The following AGBL5 variants were observed in gnomAD, a reference collection of about 807,000 sequenced individuals.
AGBL5 encodes cytosolic carboxypeptidase-like protein 5.
A neutral mutation model predicts 88.0 loss-of-function variants in AGBL5; 51 were observed. The observed-to-expected ratio is 0.58, with a 90% CI of 0.46 to 0.73. The LOEUF (loss-of-function observed/expected upper bound fraction) is 0.73. Among genes scored for constraint, AGBL5 ranks in the 30% least tolerant of loss-of-function variants. AGBL5 has a pLI of 0.00. For missense variants in AGBL5, 1,031 were observed against 1,162.2 expected (o/e 0.89, Z 1.64); for synonymous variants, 446 against 438.8 (o/e 1.02, Z -0.21).
Position 27,069,678 on chromosome 2 carries a change from G to C in AGBL5, c.2461G>C (p.Glu821Gln), listed in dbSNP as rs769145379. ...TPRTRESSEL[E>Q]LGSCSATPGL... ...CCGGACCAGGGAGAGCAGTGAGCTG[G>C]AGCTGGGATCCTGCTCTGCTACACC... The change falls in exon 14 of 15, where the codon GAG becomes CAG. Residue 821 changes from glutamate to glutamine, a missense_variant. By Grantham distance (29) the Glu-to-Gln change is conservative. Coordinates refer to ENST00000360131, the MANE Select transcript of AGBL5 (RefSeq NM_021831.6). The C allele has an allele frequency of 1.9e-6, 3 of 1,614,164 alleles. No individual in the cohort carries two copies. In the East Asian group the frequency reaches 6.7e-5, roughly 36 times the overall value.
At chr2:27,068,123 T>C (rs1238885956) in intron 12 of AGBL5, among the ~76,000 whole-genome samples, 1 of 152,178 alleles carries the variant, frequency 6.6e-6, no homozygotes, top group Admixed American at 6.5e-5. Flanking sequence ...TGGGAATGAT[T>C]TTAAGACTCT....
At chr2:27,055,400 G>A in intron 6 of AGBL5, 147 bp downstream of exon 6, 10 of 1,164,590 alleles carry the variant, frequency 8.6e-6, no homozygotes, top group Admixed American at 2.5e-5. Context: ...TCCTGAGAAA[G>A]CATGAGATCA....
At position 27,058,580 on chromosome 2, in the gene AGBL5, C is replaced by A. The variant is rs752191492; in HGVS notation, c.1852C>A (p.Arg618=). The A allele has an allele frequency of 1.6e-5, 26 of 1,613,962 alleles. No individual in the cohort carries two copies. Among genetic ancestry groups the A allele is most frequent in the Non-Finnish European group, 2.2e-5 (26 of 1,180,042 alleles). Residue 618 remains arginine (R), a synonymous_variant, in exon 10 of 15, where the codon CGA becomes AGA. Coordinates refer to ENST00000360131, the MANE Select transcript of AGBL5 (RefSeq NM_021831.6). ...NVGVNKKRGL[R]TPPKSHNGLP... ...GGGTGTCAACAAGAAGAGGGGCCTT[C>A]GAACTCCACCCAAAAGTCACAAGTA... is the stretch of plus-strand genomic sequence containing the variant.
rs1426311632 is a variant in AGBL5, at chr2:27,056,024, T to G, written c.1251T>G (p.Pro417=). 2.1e-5 allele frequency: 34 copies of G among 1,614,088 alleles called. No homozygotes were observed. Among genetic ancestry groups the G allele is most frequent in the Non-Finnish European group, 2.9e-5 (34 of 1,180,026 alleles). ...CTGCGGGGCTTGAAGAGTCAGCCCC[T>G]GATACCATCCCCCCCAAAGAGAGTG... ...QQSAGLEESA[P]DTIPPKESGV... is the part of the protein sequence containing the mutation. Residue 417 remains proline (P), a synonymous_variant, in exon 7 of 15, where the codon CCT becomes CCG. Transcript: ENST00000360131.
At chr2:27,055,392 C>A in intron 6 of AGBL5, 139 bp downstream of exon 6, 1 of 1,210,142 alleles carries the variant, frequency 8.3e-7, no homozygotes, top group Non-Finnish European at 1.2e-6. Context: ...TCTCATCTTC[C>A]TGAGAAAGCA....
Position 27,051,705 on chromosome 2 carries a change from T to G in AGBL5, c.-135T>G, listed in dbSNP as rs1391712505. 3.3e-5 allele frequency: 5 copies of G among 152,188 alleles called. No homozygotes were observed. Among genetic ancestry groups the G allele is most frequent in the South Asian group, 4.1e-4 (2 of 4,828 alleles). 9.4% of individuals were successfully genotyped at this position (152,188 alleles called of 1,614,324 possible). On this transcript the variant is annotated 5_prime_UTR_variant, in exon 1 of 15. Coordinates refer to ENST00000360131, the MANE Select transcript of AGBL5 (RefSeq NM_021831.6). ...CGGCACCGCGGCGCTCGGGTGTTTT[T>G]GGGGGCCCGGGTGGAGGGCCCGGGT...
At chr2:27,051,228 A>C (rs989558512), upstream of AGBL5, among the ~76,000 whole-genome samples, 3 of 152,162 alleles carry the variant, frequency 2.0e-5, no homozygotes, top group Non-Finnish European at 2.9e-5. Flanking sequence ...GATTAGCTCA[A>C]ATGGTAGAGC....
Position 27,057,813 on chromosome 2 carries a change from T to G in AGBL5, c.1671+375T>G, listed in dbSNP as rs138708743. Among the ~76,000 whole-genome samples, 504 of 152,308 alleles carry G rather than the reference T, an allele frequency of 3.3e-3. 1 individual carries two copies. Among genetic ancestry groups the G allele is most frequent in the African/African-American group, 0.012 (484 of 41,568 alleles). On this transcript the variant is annotated intron_variant, in intron 9 of 14. Coordinates refer to ENST00000360131, the MANE Select transcript of AGBL5 (RefSeq NM_021831.6). ...AGAGCTGGCCAGGTGCGGTGGCTCATGCCTATAATCCCAGCACTTTGGGAG... is the reference window on the plus strand; with the variant it reads ...AGAGCTGGCCAGGTGCGGTGGCTCAGGCCTATAATCCCAGCACTTTGGGAG...
In AGBL5 at chr2:27,055,690, C is replaced by T; in HGVS notation, c.917C>T (p.Ser306Leu). The change falls in exon 7 of 15, where the codon TCA (serine) becomes TTA (leucine). Residue 306 changes from serine to leucine, a missense_variant. By Grantham distance (145) the Ser-to-Leu change is moderately radical. This residue lies in a region of AGBL5 where 540 missense variants were observed against 678.2 expected (regional missense o/e 0.80). Coordinates refer to ENST00000360131, the MANE Select transcript of AGBL5 (RefSeq NM_021831.6). ...GVVRGHYRTDSRGVNLNRQYL... is the reference protein window; with the variant it reads ...GVVRGHYRTDLRGVNLNRQYL... ...TCCTTGTTTTCCTACAGCACAGACT[C>T]ACGTGGAGTGAATCTGAACCGTCAG... 1 of 1,612,978 alleles carries T rather than the reference C, an allele frequency of 6.2e-7. No individual in the cohort carries two copies. The highest frequency in any genetic ancestry group is 8.5e-7 in the Non-Finnish European group (1 of 1,179,296).
chr2:27,050,756 A>G (rs1213854258), upstream of AGBL5, among the ~76,000 whole-genome samples: 2 of 152,134 alleles, frequency 1.3e-5, no homozygotes, highest in African/African-American at 2.4e-5. Flanking sequence ...TTAGAGGGCT[A>G]TCAGCAGCAT....
rs1668289391 is a variant in AGBL5, at chr2:27,053,669, T to A, written c.387+96T>A. 6.8e-7 allele frequency: 1 copy of A among 1,478,810 alleles called. No individual in the cohort carries two copies. Among genetic ancestry groups the A allele is most frequent in the Non-Finnish European group, 9.0e-7 (1 of 1,108,136 alleles). The allele number at this position is 1,478,810 out of a possible 1,614,324, so 91.6% of individuals were successfully genotyped here. ...TTCCTTGATACAAGTATGAAGCAGG[T>A]GGGACAACAGGTTTAAGTATCAGCT... On this transcript the variant is annotated intron_variant, in intron 3 of 14. Transcript: ENST00000360131. This position sits in a 1 kb window ranked among gnomAD's most constrained non-coding sequence, Gnocchi z 4.9.
At chr2:27,060,152 AAAAG>A (rs1355142141) in intron 11 of AGBL5, among the ~76,000 whole-genome samples, 1 of 152,240 alleles carries the variant, frequency 6.6e-6, no homozygotes, top group Non-Finnish European at 1.5e-5. Context: ...CTGCCTCAAA[AAAAG>A]AAAAGAAAGT....
At chr2:27,067,904 C>T in intron 12 of AGBL5, 2 of 531,194 alleles carry the variant, frequency 3.8e-6, no homozygotes, top group Non-Finnish European at 7.0e-6. Context: ...AGTTGAGGAA[C>T]CTGAAGACTT....
chr2:27,069,384 G>A (rs1320345823), intron 13 of AGBL5, 189 bp from the exon 14 acceptor site: 1 of 985,294 alleles, frequency 1.0e-6, no homozygotes, highest in Non-Finnish European at 1.2e-6. Context: ...GGAGTGCATA[G>A]TCATGGACTG....
chr2:27,056,478 G>T, intron 7 of AGBL5, 145 bp from the exon 8 acceptor site: 1 of 754,352 alleles, frequency 1.3e-6, no homozygotes. Context: ...ATGTCAAACT[G>T]AGAATTCAGG....
Position 27,070,136 on chromosome 2 carries a change from T to G in AGBL5, c.2534T>G (p.Phe845Cys). ...RPPRPRSAPA[F>C]SPISCSLSDS... ...CCACGGCCCCGCTCTGCCCCTGCCT[T>G]TTCTCCTATATCCTGTAGTCTATCT... The change falls in exon 15 of 15, where the codon TTT becomes TGT. Residue 845 changes from phenylalanine (F) to cysteine (C), a missense_variant. By Grantham distance (205) the Phe-to-Cys change is radical. This residue lies in a region of AGBL5 where 491 missense variants were observed against 484.0 expected (regional missense o/e 1.01). Transcript: ENST00000360131. 1.2e-6 allele frequency: 2 copies of G among 1,614,176 alleles called. No homozygotes were observed. Among genetic ancestry groups the G allele is most frequent in the South Asian group, 2.2e-5 (2 of 91,092 alleles).
intron 6 of AGBL5, 49 bp from the exon 7 acceptor site, chr2:27,055,630 CCTT>C (rs1033556945): frequency 1.6e-5 from 24 of 1,530,702 alleles, no homozygotes; most frequent in Non-Finnish European, 2.1e-5. Context: ...ACTAGTGTCT[CCTT>C]CACTGGCCCA....
chr2:27,070,094 T>G lies in AGBL5; in HGVS notation c.2492T>G (p.Leu831Arg). ...TTCCTCTCTCTTTTCTGTTGCAGGC[T>G]GCCTCAGGCCAGGCCCCCACGGCCC... is the stretch of plus-strand genomic sequence containing the variant. ...ELGSCSATPG[L>R]PQARPPRPRS... The change falls in exon 15 of 15, where the codon CTG (leucine) becomes CGG (arginine). Residue 831 changes from leucine (L) to arginine (R), a missense_variant and splice_region_variant. By Grantham distance (102) the Leu-to-Arg change is moderately radical. Transcript: ENST00000360131. The G allele has an allele frequency of 6.2e-7, 1 of 1,609,990 alleles. No homozygotes were observed. The highest frequency in any genetic ancestry group is 8.5e-7 in the Non-Finnish European group (1 of 1,176,762).
At chr2:27,055,361 A>T (rs536772487) in intron 6 of AGBL5, 108 bp downstream of exon 6, 358 of 1,412,806 alleles carry the variant, frequency 2.5e-4, no homozygotes, top group Non-Finnish European at 3.3e-4. Flanking sequence ...GTCCTCTTGC[A>T]CCCTAATAAA....
Sources: allele counts gnomAD v4.1 joint callset (sites outside exome capture counted in the v4.1 genomes callset), GRCh38; gene constraint gnomAD v4.1.1; regional missense constraint gnomAD v4.1.1; non-coding constraint Gnocchi (gnomAD v3.1); transcripts MANE v1.5; gene names NCBI Gene and HGNC (gene_info 2026-07-23, HGNC 2026-07-21).